Variants in STAU2 observed in about 807,000 individuals in gnomAD.
STAU2 encodes the protein staufen double-stranded RNA binding protein 2.
In STAU2, 20 loss-of-function variants were observed where a neutral mutation model predicts 65.9. The ratio of observed to expected loss-of-function variants is 0.30; its 90% CI spans 0.21 to 0.44. The LOEUF (loss-of-function observed/expected upper bound fraction) is 0.44, where lower values mean the gene tolerates loss of function less well. Among genes scored for constraint, STAU2 ranks in the 20% least tolerant of loss-of-function variants. STAU2 has a pLI of 1.00. For missense variants in STAU2, 558 were observed against 683.9 expected (o/e 0.82, Z 2.05); for synonymous variants, 232 against 233.9 (o/e 0.99, Z 0.07).
chr8:73,731,831 C>A (rs1053819438), intron 3 of STAU2, among the ~76,000 whole-genome samples: 2 of 151,968 alleles, frequency 1.3e-5, no homozygotes, highest in African/African-American at 4.8e-5. Flanking sequence ...CCCAGCTACT[C>A]AGGAGGCTGA....
intron 8 of STAU2, 42 bp downstream of exon 8, chr8:73,615,633 A>G: frequency 6.7e-7 from 1 of 1,483,606 alleles, no homozygotes; most frequent in Non-Finnish European, 9.4e-7. Flanking sequence ...TAAAATAACC[A>G]CAGCAAGGGA....
chr8:73,443,129 T>C lies in STAU2; in HGVS notation c.1531-20427A>G, dbSNP rs138690273. Among the ~76,000 whole-genome samples the C allele has an allele frequency of 1.5e-3, 223 of 152,314 alleles. 1 individual carries two copies. Among genetic ancestry groups the C allele is most frequent in the African/African-American group, 4.9e-3 (205 of 41,554 alleles). On this transcript the variant is annotated intron_variant, in intron 13 of 14. Coordinates refer to ENST00000524300, the MANE Select transcript of STAU2 (RefSeq NM_001164380.2). ...TAGAATTATATATTGAAATAGATTG[T>C]AGGCATATTGCGAATGTTTTTCCTC...
At chr8:73,457,134 T>C (rs755012482) in intron 13 of STAU2, among the ~76,000 whole-genome samples, 21 of 152,340 alleles carry the variant, frequency 1.4e-4, no homozygotes, top group Non-Finnish European at 2.6e-4. Context: ...CTGAAAGGGA[T>C]AGAAACGATG....
At chr8:73,584,949 A>C (rs571939469) in intron 11 of STAU2, among the ~76,000 whole-genome samples, 1 of 152,326 alleles carries the variant, frequency 6.6e-6, no homozygotes, top group South Asian at 2.1e-4. Flanking sequence ...TTACATTCCT[A>C]CCATACTTTT....
At chr8:73,654,432 G>A (rs1056301303) in intron 6 of STAU2, among the ~76,000 whole-genome samples, 13 of 151,794 alleles carry the variant, frequency 8.6e-5, no homozygotes, top group African/African-American at 3.1e-4. Flanking sequence ...CGGGAGGATT[G>A]TTTGAGCCCA....
At chr8:73,657,030 G>C (rs562877971) in intron 6 of STAU2, among the ~76,000 whole-genome samples, 1 of 152,334 alleles carries the variant, frequency 6.6e-6, no homozygotes, top group African/African-American at 2.4e-5. Context: ...ATATATAACA[G>C]TTATGAATAC....
At chr8:73,672,528 A>C (rs1165784287) in intron 6 of STAU2, 2 of 152,220 alleles carry the variant, frequency 1.3e-5, no homozygotes, top group Non-Finnish European at 2.9e-5. Context: ...TGTACATTTT[A>C]CTGTATGTCT....
intron 13 of STAU2, among the ~76,000 whole-genome samples, chr8:73,424,829 A>G (rs570925170): frequency 2.6e-5 from 4 of 151,986 alleles, no homozygotes; most frequent in African/African-American, 9.6e-5. Flanking sequence ...AAATCTTTAA[A>G]TCAGGCTTCC....
intron 12 of STAU2, among the ~76,000 whole-genome samples, chr8:73,580,979 T>C (rs1809936451): frequency 6.6e-6 from 1 of 152,240 alleles, no homozygotes; most frequent in African/African-American, 2.4e-5. Flanking sequence ...TGGCTTCAAA[T>C]AGTTTTCTCA....
At chr8:73,646,073 T>C (rs541134568) in intron 6 of STAU2, among the ~76,000 whole-genome samples, 1 of 152,116 alleles carries the variant, frequency 6.6e-6, no homozygotes, top group Non-Finnish European at 1.5e-5. Flanking sequence ...TATTTAAAGA[T>C]GAAATAATTG....
intron 11 of STAU2, among the ~76,000 whole-genome samples, chr8:73,585,052 C>T (rs543658935): frequency 6.6e-6 from 1 of 152,260 alleles, no homozygotes; most frequent in East Asian, 1.9e-4. Flanking sequence ...TTCCAGAATC[C>T]TGGAGCAGTT....
chr8:73,459,635 G>A (rs527744732), intron 13 of STAU2, among the ~76,000 whole-genome samples: 1 of 152,132 alleles, frequency 6.6e-6, no homozygotes, highest in East Asian at 1.9e-4. Context: ...CATGTGCAGA[G>A]CTCCCACTGA....
intron 6 of STAU2, among the ~76,000 whole-genome samples, chr8:73,624,933 C>T (rs1189066789): frequency 6.6e-6 from 1 of 152,200 alleles, no homozygotes; most frequent in African/African-American, 2.4e-5. Context: ...TATTTCCTCT[C>T]TGCTCATTTT....
chr8:73,564,209 G>A (rs12680126), intron 12 of STAU2, among the ~76,000 whole-genome samples: 20,348 of 152,090 alleles, frequency 0.13, 1,676 homozygotes, highest in East Asian at 0.44. Context: ...TTGGAGTGCC[G>A]ACAGAGCCAG....
At position 73,654,637 on chromosome 8, in the gene STAU2, C is replaced by CAAAAAAAAAAAAAAAAAAAAA. The variant is rs71269928; in HGVS notation, c.410+18449_410+18469dup. 1.4e-3 allele frequency among the ~76,000 whole-genome samples: 36 copies of CAAAAAAAAAAAAAAAAAAAAA among 26,308 alleles called. 4 individuals are homozygous for CAAAAAAAAAAAAAAAAAAAAA. The highest frequency in any genetic ancestry group is 1.9e-3 in the Non-Finnish European group (29 of 15,314). 17.3% of individuals were successfully genotyped at this position (26,308 alleles called of 152,430 possible). ...CCTAGATGACAGAACAAGATTGTCT[C>CAAAAAAAAAAAAAAAAAAAAA]AAAAAAAAAAAAAAAAAAAAAAAAG... On this transcript the variant is annotated intron_variant, in intron 6 of 14. Transcript: ENST00000524300.
At chr8:73,536,383 G>A (rs1366856901) in intron 13 of STAU2, among the ~76,000 whole-genome samples, 2 of 152,010 alleles carry the variant, frequency 1.3e-5, no homozygotes, top group Non-Finnish European at 2.9e-5. Flanking sequence ...CTAACCAAAG[G>A]ACCAAAAAAA....
Position 73,597,521 on chromosome 8 carries a change from T to A in STAU2, c.1030-2224A>T, listed in dbSNP as rs375475464. On this transcript the variant is annotated intron_variant, in intron 10 of 14. Coordinates refer to ENST00000524300, the MANE Select transcript of STAU2 (RefSeq NM_001164380.2). ...TACAAAAATAAAAAAAAAAAAAAAA[T>A]TAGCCAGGCATGATGGCAAGTGCCT... is the stretch of plus-strand genomic sequence containing the variant. Among the ~76,000 whole-genome samples the A allele has an allele frequency of 5.7e-3, 836 of 146,570 alleles. 5 individuals carry two copies. The highest frequency in any genetic ancestry group is 0.02 in the African/African-American group (796 of 39,068).
At chr8:73,614,124 T>C (rs559723378) in intron 8 of STAU2, among the ~76,000 whole-genome samples, 168 bp from the exon 9 acceptor site, 8 of 152,198 alleles carry the variant, frequency 5.3e-5, no homozygotes, top group Non-Finnish European at 1.2e-4. Flanking sequence ...TTATGACACT[T>C]GATGCTTAAT....
intron 3 of STAU2, among the ~76,000 whole-genome samples, chr8:73,726,739 T>C (rs184561206): frequency 6.6e-6 from 1 of 152,356 alleles, no homozygotes; most frequent in Admixed American, 6.5e-5. Flanking sequence ...TTTCCCCTCG[T>C]GTCTTGAACA....
Sources: allele counts gnomAD v4.1 joint callset (sites outside exome capture counted in the v4.1 genomes callset), GRCh38; gene constraint gnomAD v4.1.1; transcripts MANE v1.5; gene names NCBI Gene and HGNC (gene_info 2026-07-23, HGNC 2026-07-21).